The following SIK2 variants were observed in gnomAD, a reference collection of about 807,000 sequenced individuals.
The protein encoded by SIK2 is serine/threonine-protein kinase SIK2.
A neutral mutation model predicts 103.2 loss-of-function variants in SIK2; 29 were observed. The ratio of observed to expected loss-of-function variants is 0.28; its 90% confidence interval spans 0.21 to 0.38. The LOEUF (loss-of-function observed/expected upper bound fraction) is 0.38, where lower values mean the gene tolerates loss of function less well. SIK2 is among the 10% of genes least tolerant of loss of function. The probability of loss-of-function intolerance (pLI) is 1.00; values close to 1 mark genes in which losing one functional copy is unlikely to be tolerated. For synonymous variants in SIK2, 412 were observed against 446.1 expected (o/e 0.92, Z 0.96); for missense variants, 879 against 1,171.0 (o/e 0.75, Z 3.64).
intron 1 of SIK2, among the ~76,000 whole-genome samples, chr11:111,611,080 G>A (rs1016507918): frequency 9.3e-6 from 1 of 107,128 alleles, no homozygotes; most frequent in Non-Finnish European, 1.9e-5. Flanking sequence ...ACCCACTCTC[G>A]ACCAAATGTG....
chr11:111,680,935 G>A (rs1942769025), intron 3 of SIK2, among the ~76,000 whole-genome samples: 1 of 152,140 alleles, frequency 6.6e-6, no homozygotes, highest in African/African-American at 2.4e-5. Context: ...AGCCTTCAGG[G>A]TTGATAGAAG....
At chr11:111,669,814 C>G (rs1364896213) in intron 3 of SIK2, among the ~76,000 whole-genome samples, 2 of 152,198 alleles carry the variant, frequency 1.3e-5, no homozygotes, top group African/African-American at 4.8e-5. Context: ...CCTCTCTGAT[C>G]TTGGCTCCCT....
chr11:111,727,110 AT>A lies in SIK2; in HGVS notation c.*2983del. 3 of 1,505,776 alleles carry A rather than the reference AT, an allele frequency of 2.0e-6. No homozygotes were observed. The East Asian group carries it at 6.8e-5, about 34-fold the overall frequency. 93.3% of individuals were successfully genotyped at this position (1,505,776 alleles called of 1,614,324 possible). A position where few individuals can be genotyped will look rare whatever the true frequency, so the allele number is the denominator to read the frequency against. On this transcript the variant is annotated 3_prime_UTR_variant, in exon 15 of 15. Coordinates refer to ENST00000304987, the MANE Select transcript of SIK2 (RefSeq NM_015191.3). ...ACAGGAAGAGGGGGCCCACTTTCAC[AT>A]TCCCGGTGACACTGACCGTCCCCAG... is the stretch of plus-strand genomic sequence containing the variant.
intron 3 of SIK2, among the ~76,000 whole-genome samples, chr11:111,644,084 G>C (rs937899217): frequency 6.6e-6 from 1 of 150,828 alleles, no homozygotes. Context: ...TCAGGAGTCC[G>C]AGAACAGCCT....
intron 9 of SIK2, among the ~76,000 whole-genome samples, chr11:111,717,888 G>T (rs1307048381): frequency 2.0e-5 from 3 of 152,184 alleles, no homozygotes; most frequent in Admixed American, 6.5e-5. Context: ...TGGACACATG[G>T]AGGGGAACAA....
intron 3 of SIK2, among the ~76,000 whole-genome samples, chr11:111,669,886 C>A (rs1304048400): frequency 2.6e-5 from 4 of 152,116 alleles, no homozygotes; most frequent in African/African-American, 9.7e-5. Flanking sequence ...CCTAAAGTAT[C>A]TTTTCTACCT....
chr11:111,679,443 G>A (rs987478627), intron 3 of SIK2, among the ~76,000 whole-genome samples: 2 of 152,116 alleles, frequency 1.3e-5, no homozygotes, highest in African/African-American at 4.8e-5. Flanking sequence ...GTATACACAA[G>A]CAACAATTTC....
Position 111,675,466 on chromosome 11 carries a change from G to GT in SIK2, c.317-12531dup, listed in dbSNP as rs551929868. Reference sequence around the variant, plus strand: ...TCTGTGATTTCTAGGTGAGCAGATAGTTTTGGTTTTTGCAGCTGGCCCTTC... The same window carrying GT: ...TCTGTGATTTCTAGGTGAGCAGATAGTTTTTGGTTTTTGCAGCTGGCCCTTC... On this transcript the variant is annotated intron_variant, in intron 3 of 14. Transcript: ENST00000304987. Among the ~76,000 whole-genome samples the GT allele has an allele frequency of 1.9e-4, 29 of 152,344 alleles. No homozygotes were observed. The East Asian group carries it at 5.4e-3, about 28-fold the overall frequency.
At chr11:111,641,714 CT>C (rs1942185739) in intron 3 of SIK2, among the ~76,000 whole-genome samples, 1 of 152,154 alleles carries the variant, frequency 6.6e-6, no homozygotes. Context: ...GCAGTTCCTC[CT>C]TGCCTACCAA....
chr11:111,672,024 C>T (rs1942634514), intron 3 of SIK2: 5 of 518,186 alleles, frequency 9.6e-6, no homozygotes, highest in Non-Finnish European at 1.9e-5. Context: ...TCCACTTGGT[C>T]TCAAGTGCCT....
intron 3 of SIK2, among the ~76,000 whole-genome samples, chr11:111,636,555 T>A (rs1942111342): frequency 6.6e-6 from 1 of 152,138 alleles, no homozygotes; most frequent in South Asian, 2.1e-4. Flanking sequence ...GATGTCAGTG[T>A]TTCAAAGACA....
At chr11:111,687,638 C>T (rs1271456358) in intron 3 of SIK2, among the ~76,000 whole-genome samples, 1 of 9,422 alleles carries the variant, frequency 1.1e-4, no homozygotes, top group African/African-American at 1.1e-4. Flanking sequence ...GATAGAGTCT[C>T]ACTCTCGTCC....
intron 3 of SIK2, among the ~76,000 whole-genome samples, chr11:111,662,178 A>T (rs1375328544): frequency 6.6e-6 from 1 of 152,214 alleles, no homozygotes; most frequent in Non-Finnish European, 1.5e-5. Flanking sequence ...GACAGAAGAG[A>T]TTGGAAACGT....
chr11:111,672,488 A>T (rs376952593), intron 3 of SIK2: 4 of 225,530 alleles, frequency 1.8e-5, no homozygotes, highest in African/African-American at 6.9e-5. Flanking sequence ...ACTTTTGATT[A>T]ACACGTCATA....
At chr11:111,682,235 A>C (rs1942786993) in intron 3 of SIK2, among the ~76,000 whole-genome samples, 1 of 152,208 alleles carries the variant, frequency 6.6e-6, no homozygotes, top group South Asian at 2.1e-4. Context: ...CTTTATAGAA[A>C]CTATAGGAGA....
At chr11:111,639,723 T>C (rs1942156025) in intron 3 of SIK2, among the ~76,000 whole-genome samples, 1 of 152,174 alleles carries the variant, frequency 6.6e-6, no homozygotes, top group South Asian at 2.1e-4. Context: ...TGAAATTCAT[T>C]GTTATACTCT....
At chr11:111,715,040 G>C (rs990807920) in intron 9 of SIK2, among the ~76,000 whole-genome samples, 2 of 152,234 alleles carry the variant, frequency 1.3e-5, no homozygotes, top group Non-Finnish European at 2.9e-5. Flanking sequence ...TATTTTTAAA[G>C]CTTGTGATTG....
At chr11:111,608,610 C>T (rs1483426837) in intron 1 of SIK2, among the ~76,000 whole-genome samples, 5 of 152,164 alleles carry the variant, frequency 3.3e-5, no homozygotes, top group South Asian at 2.1e-4. Context: ...TTAACATTTC[C>T]GTAAGTTTGA....
chr11:111,625,693 G>T (rs1941952748), intron 3 of SIK2, among the ~76,000 whole-genome samples: 1 of 152,184 alleles, frequency 6.6e-6, no homozygotes, highest in Non-Finnish European at 1.5e-5. Context: ...AGTTTTGGTG[G>T]AGTGACTGGG....
Sources: gnomAD v4.1 joint callset for allele counts (sites outside exome capture counted in the v4.1 genomes callset) on GRCh38, gnomAD v4.1.1 for gene constraint, MANE v1.5 for transcripts, NCBI Gene and HGNC (gene_info 2026-07-23, HGNC 2026-07-21) for gene names.